Variants in ANK2 observed in about 807,000 individuals in gnomAD.
The protein encoded by ANK2 is ankyrin-2.
ANK2 carries 83 observed loss-of-function variants against 360.5 expected under a neutral mutation model. The observed-to-expected ratio is 0.23, with a 90% CI of 0.19 to 0.28. ANK2 has a LOEUF of 0.28. Ranked by LOEUF, ANK2 falls within the 10% of genes least tolerant of loss-of-function variation. The pLI is 1.00. For synonymous variants in ANK2, 1,740 were observed against 1,759.5 expected, an observed-to-expected ratio of 0.99 and a Z score of 0.28; for missense variants, 4,201 against 4,795.7, an observed-to-expected ratio of 0.88 and a Z score of 3.66.
At chr4:112,856,254 C>T (rs889594364) in intron 1 of ANK2, among the ~76,000 whole-genome samples, 6 of 152,100 alleles carry the variant, frequency 3.9e-5, no homozygotes, top group Non-Finnish European at 5.9e-5. Flanking sequence ...CAAAAGTACA[C>T]GCTTGAGGAA....
intron 1 of ANK2, among the ~76,000 whole-genome samples, chr4:113,123,515 A>T (rs1320693172): frequency 1.3e-5 from 2 of 152,180 alleles, no homozygotes; most frequent in Non-Finnish European, 2.9e-5. Flanking sequence ...ATATACTAAA[A>T]TAAAGTGTAA....
At chr4:113,301,400 C>G (rs1051465801) in intron 22 of ANK2, among the ~76,000 whole-genome samples, 1 of 151,896 alleles carries the variant, frequency 6.6e-6, no homozygotes, top group Non-Finnish European at 1.5e-5. Flanking sequence ...CACACACACA[C>G]ACACACACAC....
At chr4:112,710,511 C>T in the ANK2 span, among the ~76,000 whole-genome samples, 1 of 152,080 alleles carries the variant, frequency 6.6e-6, no homozygotes, top group African/African-American at 2.4e-5. Flanking sequence ...GCCTGGCCAA[C>T]ATGGTGAAAC....
At chr4:112,847,557 C>T (rs988221992) in intron 1 of ANK2, among the ~76,000 whole-genome samples, 5 of 152,080 alleles carry the variant, frequency 3.3e-5, no homozygotes, top group Non-Finnish European at 5.9e-5. Context: ...GTCCTCTGCA[C>T]GGCTACCATA....
At chr4:112,901,322 A>G (rs1461024961) in intron 1 of ANK2, among the ~76,000 whole-genome samples, 2 of 152,190 alleles carry the variant, frequency 1.3e-5, no homozygotes, top group Non-Finnish European at 2.9e-5. Context: ...GTTCCAGAAA[A>G]TGGCCAGAAT....
At chr4:113,324,707 C>T (rs2088759869) in intron 26 of ANK2, among the ~76,000 whole-genome samples, 1 of 152,126 alleles carries the variant, frequency 6.6e-6, no homozygotes, top group Non-Finnish European at 1.5e-5. Flanking sequence ...AGAAAGAGCT[C>T]ATGCAATGGT....
intron 5 of ANK2, among the ~76,000 whole-genome samples, chr4:113,233,104 CTGT>C (rs2099330876): frequency 3.4e-5 from 1 of 29,296 alleles, no homozygotes; most frequent in African/African-American, 1.4e-4. Context: ...CTTGGCTTTT[CTGT>C]TTTTTTTTTT....
chr4:112,881,705 T>C, intron 1 of ANK2: 1 of 515,252 alleles, frequency 1.9e-6, no homozygotes. Context: ...CTCGAGTTTT[T>C]TGCCCATACA....
chr4:113,052,298 G>A (rs1054190667), intron 1 of ANK2, among the ~76,000 whole-genome samples: 17 of 152,076 alleles, frequency 1.1e-4, no homozygotes, highest in Non-Finnish European at 2.2e-4. Flanking sequence ...ACTTCAATTC[G>A]GTTGTTTGTT....
Position 113,274,528 on chromosome 4 carries a change from C to A in ANK2, c.1562C>A (p.Ala521Asp), listed in dbSNP as rs2153688359. The A allele has an allele frequency of 6.2e-7, 1 of 1,614,230 alleles. No individual in the cohort carries two copies. Among genetic ancestry groups the A allele is most frequent in the Non-Finnish European group, 8.5e-7 (1 of 1,180,048 alleles). Residue 521 changes from alanine to aspartate, a missense_variant, in exon 15 of 46, where the codon GCT becomes GAT. Physicochemically the swap from Ala to Asp is moderately radical, Grantham distance 126. Transcript: ENST00000357077. ...EIVQLLLQHM[A>D]HPDAATTNGY... ...GTCCAGCTGCTTCTACAACATATGG[C>A]TCATCCAGATGCGGCCACTACAAAT... is the stretch of plus-strand genomic sequence containing the variant.
chr4:112,973,937 A>G lies in ANK2; in HGVS notation c.21+69423A>G, dbSNP rs78570483. ...AACTACTCATTCTACAAGCTATCACACTAAAAAGCAAGTCATTAAAAGGCA... is the reference window on the plus strand; with the variant it reads ...AACTACTCATTCTACAAGCTATCACGCTAAAAAGCAAGTCATTAAAAGGCA... On this transcript the variant is annotated intron_variant, in intron 2 of 30. Coordinates refer to the ANK2 transcript ENST00000503271. Among the ~76,000 whole-genome samples, 962 of 152,364 alleles carry G rather than the reference A, an allele frequency of 6.3e-3. 7 individuals carry two copies. The highest frequency in any genetic ancestry group is 0.021 in the African/African-American group (864 of 41,592).
chr4:112,741,845 G>A, the ANK2 span, among the ~76,000 whole-genome samples: 2 of 151,880 alleles, frequency 1.3e-5, no homozygotes, highest in East Asian at 1.9e-4. Flanking sequence ...AAACAAACAA[G>A]CACAATAAAA....
chr4:113,016,029 A>AT (rs562309381), intron 2 of ANK2, among the ~76,000 whole-genome samples: 6 of 150,818 alleles, frequency 4.0e-5, no homozygotes, highest in Non-Finnish European at 7.4e-5. Flanking sequence ...TTTTTCAAAA[A>AT]TTTTTTTTTT....
Position 113,004,393 on chromosome 4 carries a change from A to AT in ANK2, c.21+99888dup, listed in dbSNP as rs1408346937. Among the ~76,000 whole-genome samples, 224 of 151,150 alleles carry AT rather than the reference A, an allele frequency of 1.5e-3. 3 individuals carry two copies. The highest frequency in any genetic ancestry group is 7.4e-4 in the Non-Finnish European group (50 of 67,750). On this transcript the variant is annotated intron_variant, in intron 2 of 30. Transcript: ENST00000503271. ...TATTTAAAAATTTTTTTTGTTTTTAATTTTTTTTTCTTAAACAAAGACACA... is the reference window on the plus strand; with the variant it reads ...TATTTAAAAATTTTTTTTGTTTTTAATTTTTTTTTTCTTAAACAAAGACACA...
At chr4:112,945,664 C>T (rs2154249644) in intron 2 of ANK2, among the ~76,000 whole-genome samples, 1 of 152,280 alleles carries the variant, frequency 6.6e-6, no homozygotes, top group Middle Eastern at 3.4e-3. Flanking sequence ...AGTACATTGA[C>T]AGACACAGGA....
intron 2 of ANK2, among the ~76,000 whole-genome samples, chr4:112,916,184 A>AAATTC (rs2089771087): frequency 6.6e-6 from 1 of 152,238 alleles, no homozygotes; most frequent in Non-Finnish European, 1.5e-5. Context: ...AACCAGTCAC[A>AAATTC]TGAATCTGCA....
intron 1 of ANK2, among the ~76,000 whole-genome samples, chr4:113,154,630 A>G (rs1056924489): frequency 2.0e-5 from 3 of 152,230 alleles, no homozygotes; most frequent in Non-Finnish European, 4.4e-5. Flanking sequence ...AAAATTATAT[A>G]TAAATCTGTA....
intron 2 of ANK2, among the ~76,000 whole-genome samples, chr4:113,024,215 A>G (rs1380989692): frequency 6.6e-6 from 1 of 152,152 alleles, no homozygotes; most frequent in Non-Finnish European, 1.5e-5. Context: ...TTATCAAGAG[A>G]GCATGCTCCT....
At chr4:113,174,539 C>G (rs776004030) in intron 2 of ANK2, 22 bp downstream of exon 2, 7 of 1,526,580 alleles carry the variant, frequency 4.6e-6, no homozygotes, top group Non-Finnish European at 6.3e-6. Context: ...GCAGCTAGCT[C>G]TGTGTTGTGC....
Sources: allele counts gnomAD v4.1 joint callset (sites outside exome capture counted in the v4.1 genomes callset), GRCh38; gene constraint gnomAD v4.1.1; transcripts MANE v1.5; gene names NCBI Gene and HGNC (gene_info 2026-07-23, HGNC 2026-07-21).